The following LETM2 variants were observed in gnomAD, a reference collection of about 807,000 sequenced individuals.
LETM2 encodes LETM1 domain-containing protein LETM2, mitochondrial.
A neutral mutation model predicts 59.6 loss-of-function variants in LETM2; 58 were observed. That is an observed-to-expected ratio of 0.97 (90% CI 0.79 to 1.21). The LOEUF (loss-of-function observed/expected upper bound fraction) is 1.21. Among genes scored for constraint, LETM2 ranks in the 50% most tolerant of loss-of-function variants. LETM2 has a pLI of 0.00. For missense variants in LETM2, 572 were observed against 575.7 expected (o/e 0.99, Z 0.07); for synonymous variants, 199 against 214.1 (o/e 0.93, Z 0.62).
rs760477930 is a variant in LETM2 at position 38,392,858 on chromosome 8, T to C, written c.364T>C (p.Tyr122His). The C allele has an allele frequency of 6.8e-6, 11 of 1,613,992 alleles. No individual in the cohort carries two copies. The highest frequency in any genetic ancestry group is 1.7e-6 in the Non-Finnish European group (2 of 1,180,030). The part of the protein sequence containing the change: ...GMEIKEGKQS[Y>H]RQKIMDELKY... ...GGAGATTAAAGAAGGCAAACAATCT[T>C]ATAGACAAAAAATCATGGATGAACT... is the stretch of plus-strand genomic sequence containing the variant. The change falls in exon 3 of 11, where the codon TAT becomes CAT. Residue 122 changes from tyrosine (Y) to histidine (H), a missense_variant. Tyr to His is a moderately conservative substitution (Grantham distance 83). Transcript: ENST00000379957.
intron 4 of LETM2, among the ~76,000 whole-genome samples, chr8:38,399,285 T>G (rs1345003886): frequency 6.6e-6 from 1 of 152,224 alleles, no homozygotes; most frequent in African/African-American, 2.4e-5. Flanking sequence ...ACTTTTCTTC[T>G]GTGTAGTGCT....
Position 38,404,463 on chromosome 8 carries a change from T to G in LETM2, c.1175T>G (p.Ile392Arg). 1 of 1,613,988 alleles carries G rather than the reference T, an allele frequency of 6.2e-7. No homozygotes were observed. Among genetic ancestry groups the G allele is most frequent in the South Asian group, 1.1e-5 (1 of 91,074 alleles). Residue 392 changes from isoleucine to arginine, a missense_variant, in exon 8 of 11, where the codon ATA becomes AGA. Transcript: ENST00000379957. ...LLLLSRTFYLIDVKPKPIEIP... is the reference protein window; with the variant it reads ...LLLLSRTFYLRDVKPKPIEIP... ...CTCCTGTCCCGCACCTTCTACCTGA[T>G]AGATGTGAAGCCCAAGCCGATTGAG...
intron 1 of LETM2, chr8:38,387,311 T>G (rs1811854622): frequency 6.6e-6 from 1 of 152,330 alleles, no homozygotes; most frequent in Non-Finnish European, 1.5e-5. Context: ...ATGTCAGCTC[T>G]TCTGCCGTTC....
At chr8:38,404,170 C>G (rs1341899131) in intron 7 of LETM2, among the ~76,000 whole-genome samples, 1 of 152,222 alleles carries the variant, frequency 6.6e-6, no homozygotes, top group Non-Finnish European at 1.5e-5. Context: ...TTCTCCCTCT[C>G]TGAGAGTGAT....
At chr8:38,400,700 C>A in intron 5 of LETM2, 153 bp from the exon 6 acceptor site, 1 of 740,940 alleles carries the variant, frequency 1.3e-6, no homozygotes, top group Non-Finnish European at 2.2e-6. Context: ...AGTTTGACTT[C>A]AGATGGATAT....
chr8:38,394,027 G>T, intron 3 of LETM2, 71 bp from the exon 4 acceptor site: 3 of 1,235,466 alleles, frequency 2.4e-6, no homozygotes, highest in African/African-American at 1.5e-5. Flanking sequence ...GGTTTTTTTG[G>T]TTTTGTTTTT....
In LETM2 at chr8:38,408,346, C is replaced by A; in HGVS notation, c.*72C>A. On this transcript the variant is annotated 3_prime_UTR_variant, in exon 11 of 11. Transcript: ENST00000379957. The stretch of plus-strand genomic sequence containing the variant: ...AACAGTGGCATCTGTAAAGGACCTC[C>A]CAGATAAGACTGTCTGGCTTCAGAG... 1 of 1,283,610 alleles carries A rather than the reference C, an allele frequency of 7.8e-7. No individual in the cohort carries two copies. Among genetic ancestry groups the A allele is most frequent in the Non-Finnish European group, 1.1e-6 (1 of 896,088 alleles). 79.5% of individuals were successfully genotyped at this position (1,283,610 alleles called of 1,614,324 possible). A position where few individuals can be genotyped will look rare whatever the true frequency, so the allele number is the denominator to read the frequency against.
Position 38,408,352 on chromosome 8 carries a change from AAG to A in LETM2, c.*80_*81del, listed in dbSNP as rs1813909501. ...GGCATCTGTAAAGGACCTCCCAGAT[AAG>A]ACTGTCTGGCTTCAGAGAGCGGATC... On this transcript the variant is annotated 3_prime_UTR_variant, in exon 11 of 11. Transcript: ENST00000379957. 1.6e-6 allele frequency: 2 copies of A among 1,253,882 alleles called. No homozygotes were observed. Among genetic ancestry groups the A allele is most frequent in the Admixed American group, 3.9e-5 (2 of 51,534 alleles). 77.7% of individuals were successfully genotyped at this position (1,253,882 alleles called of 1,614,324 possible). A position where few individuals can be genotyped will look rare whatever the true frequency, so the allele number is the denominator to read the frequency against.
At chr8:38,385,387 C>T (rs527891226), upstream of LETM2, among the ~76,000 whole-genome samples, 1 of 152,064 alleles carries the variant, frequency 6.6e-6, no homozygotes, top group South Asian at 2.1e-4. Flanking sequence ...AGTAGAGCCA[C>T]TAAGAAAAAA....
intron 2 of LETM2, among the ~76,000 whole-genome samples, chr8:38,389,998 CAA>C (rs1222660619): frequency 2.2e-4 from 10 of 45,114 alleles, no homozygotes; most frequent in African/African-American, 4.4e-4. Flanking sequence ...GACTCCGTCT[CAA>C]AAAAAAAAAA....
chr8:38,401,041 A>C lies in LETM2; in HGVS notation c.972A>C (p.Lys324Asn). 1 of 1,613,510 alleles carries C rather than the reference A, an allele frequency of 6.2e-7. No individual in the cohort carries two copies. Among genetic ancestry groups the C allele is most frequent in the Non-Finnish European group, 8.5e-7 (1 of 1,179,722 alleles). Residue 324 changes from lysine (K) to asparagine (N), a missense_variant, in exon 6 of 11, where the codon AAA (lysine) becomes AAC (asparagine). Lys to Asn is a moderately conservative substitution (Grantham distance 94). Transcript: ENST00000379957. ...FQLLMKLKSI[K>N]ADDEIIAKEG... is the part of the protein sequence containing the mutation. ...TCCTGATGAAACTGAAGTCTATAAA[A>C]GCAGATGATGAAGTAAGAGCTTAAC... is the stretch of plus-strand genomic sequence containing the variant.
At chr8:38,390,626 A>G (rs1270954247) in intron 2 of LETM2, among the ~76,000 whole-genome samples, 45 of 148,316 alleles carry the variant, frequency 3.0e-4, no homozygotes, top group African/African-American at 1.0e-3. Context: ...TGTCTCAGAA[A>G]AAAAAAAAAA....
At chr8:38,405,837 A>C (rs888993759) in intron 8 of LETM2, among the ~76,000 whole-genome samples, 1 of 152,220 alleles carries the variant, frequency 6.6e-6, no homozygotes, top group Non-Finnish European at 1.5e-5. Flanking sequence ...AGAGGGCCAT[A>C]AGCTCTTTAT....
At position 38,402,653 on chromosome 8, in the gene LETM2, C is replaced by T. The variant is rs763871404; in HGVS notation, c.1104+9C>T. ...GACAACAGCTCACGGAGGCAAGTAG[C>T]AGCGCCCCTCTGGGGTCCTCTTCCC... is the stretch of plus-strand genomic sequence containing the variant. On this transcript the variant is annotated intron_variant, in intron 7 of 10. Transcript: ENST00000379957. The T allele has an allele frequency of 2.5e-6, 4 of 1,613,840 alleles. No individual in the cohort carries two copies. The highest frequency in any genetic ancestry group is 2.5e-6 in the Non-Finnish European group (3 of 1,179,836).
At chr8:38,391,994 A>G (rs1161143205) in intron 2 of LETM2, among the ~76,000 whole-genome samples, 2 of 152,168 alleles carry the variant, frequency 1.3e-5, no homozygotes, top group Non-Finnish European at 2.9e-5. Context: ...GGCCAGCCCA[A>G]TGTTCTAGAA....
rs191389546 is a variant in LETM2, at chr8:38,391,956, C to T, written c.48-586C>T. ...ATCCACCTGCCTTGGCCTCGCAAAG[C>T]GCTGGGATTACAGGCATGAGCCATC... On this transcript the variant is annotated intron_variant, in intron 2 of 10. Transcript: ENST00000379957. Among the ~76,000 whole-genome samples, 321 of 151,786 alleles carry T rather than the reference C, an allele frequency of 2.1e-3. 2 individuals are homozygous for T. The highest frequency in any genetic ancestry group is 7.3e-3 in the African/African-American group (301 of 41,382).
chr8:38,407,009 G>A lies in LETM2; in HGVS notation c.1282G>A (p.Asp428Asn). 6.2e-7 allele frequency: 1 copy of A among 1,610,820 alleles called. No homozygotes were observed. The highest frequency in any genetic ancestry group is 8.5e-7 in the Non-Finnish European group (1 of 1,177,064). ...TFTESKENMV[D>N]LAPQLKGTKD... The stretch of plus-strand genomic sequence containing the variant: ...CACTGAATCTAAAGAGAACATGGTG[G>A]ATCTTGCACCTCAACTGAAGGGAAC... Residue 428 changes from aspartate to asparagine, a missense_variant, in exon 9 of 11, where the codon GAT becomes AAT. Coordinates refer to ENST00000379957, the MANE Select transcript of LETM2 (RefSeq NM_001286819.2).
rs538689473 is a variant in LETM2, at chr8:38,391,732, C to T, written c.48-810C>T. 5.2e-4 allele frequency among the ~76,000 whole-genome samples: 75 copies of T among 143,636 alleles called. No individual in the cohort carries two copies. The South Asian group carries it at 0.017, about 33-fold the overall frequency. 94.2% of individuals were successfully genotyped at this position (143,636 alleles called of 152,430 possible). On this transcript the variant is annotated intron_variant, in intron 2 of 10. Coordinates refer to ENST00000379957, the MANE Select transcript of LETM2 (RefSeq NM_001286819.2). ...TTTGAGACGGTGTCTTGTTCTGTTG[C>T]CCAGGCTGGAGTGCAGTGGCATAGT...
rs553590302 is a variant in LETM2 at position 38,392,581 on chromosome 8, T to C, written c.87T>C (p.Tyr29=). The C allele has an allele frequency of 6.2e-7, 1 of 1,612,818 alleles. No individual in the cohort carries two copies. Among genetic ancestry groups the C allele is most frequent in the East Asian group, 2.2e-5 (1 of 44,888 alleles). ...SHFVHPTCSS[Y]SPSCAFLHLP... ...TTGTCCATCCTACCTGCTCTTCTTA[T>C]TCCCCATCATGTGCATTTCTTCACT... Residue 29 remains tyrosine, a synonymous_variant, in exon 3 of 11, where the codon TAT becomes TAC. Coordinates refer to ENST00000379957, the MANE Select transcript of LETM2 (RefSeq NM_001286819.2).
Sources: gnomAD v4.1 joint callset for allele counts (sites outside exome capture counted in the v4.1 genomes callset) on GRCh38, gnomAD v4.1.1 for gene constraint, MANE v1.5 for transcripts, NCBI Gene and HGNC (gene_info 2026-07-23, HGNC 2026-07-21) for gene names.